The following LRCH1 variants were observed in gnomAD, a reference collection of about 807,000 sequenced individuals.
The protein encoded by LRCH1 is leucine-rich repeat and calponin homology domain-containing protein 1.
In LRCH1, 23 loss-of-function variants were observed where a neutral mutation model predicts 94.9. The ratio of observed to expected loss-of-function variants is 0.24; its 90% CI spans 0.17 to 0.34. LRCH1 has a LOEUF of 0.34. LRCH1 is among the 10% of genes least tolerant of loss of function. The pLI is 1.00. For missense variants in LRCH1, 790 were observed against 945.9 expected (o/e 0.84, Z 2.16); for synonymous variants, 364 against 354.9 (o/e 1.03, Z -0.29).
At chr13:46,729,984 CT>C (rs1237547840) in intron 18 of LRCH1, among the ~76,000 whole-genome samples, 1 of 152,170 alleles carries the variant, frequency 6.6e-6, no homozygotes, top group African/African-American at 2.4e-5. Flanking sequence ...TCAGGGCTCT[CT>C]TCCTAGGTAT....
chr13:46,675,296 A>G (rs1314033717), intron 3 of LRCH1, among the ~76,000 whole-genome samples: 2 of 152,360 alleles, frequency 1.3e-5, no homozygotes, highest in African/African-American at 4.8e-5. Flanking sequence ...CATTTGCCAA[A>G]GAAGAGTTTT....
chr13:46,741,611 C>G (rs1441112893), intron 19 of LRCH1, 31 bp from the exon 20 acceptor site: 1 of 1,613,868 alleles, frequency 6.2e-7, no homozygotes, highest in Non-Finnish European at 8.5e-7. Context: ...TGCACTGTCT[C>G]TTTCTGTTCT....
At chr13:46,646,375 A>G (rs1474045966) in intron 1 of LRCH1, among the ~76,000 whole-genome samples, 3 of 152,222 alleles carry the variant, frequency 2.0e-5, no homozygotes, top group Non-Finnish European at 4.4e-5. Flanking sequence ...AAGGCACAGA[A>G]GTATCTACAG....
intron 3 of LRCH1, among the ~76,000 whole-genome samples, chr13:46,676,218 G>A (rs1008828965): frequency 9.2e-5 from 14 of 151,778 alleles, no homozygotes; most frequent in South Asian, 2.1e-4. Flanking sequence ...CCGAGATTGC[G>A]CCACCGCACT....
At chr13:46,575,064 AC>A (rs2050288313) in intron 1 of LRCH1, among the ~76,000 whole-genome samples, 1 of 152,090 alleles carries the variant, frequency 6.6e-6, no homozygotes, top group Non-Finnish European at 1.5e-5. Context: ...AAAAGTTCCA[AC>A]CAAAATATAC....
At chr13:46,710,541 GCGAGA>G (rs1195212856) in intron 13 of LRCH1, among the ~76,000 whole-genome samples, 5 of 152,218 alleles carry the variant, frequency 3.3e-5, no homozygotes, top group Non-Finnish European at 7.3e-5. Context: ...GGAAGGGTCT[GCGAGA>G]CGATAGGACA....
At chr13:46,737,888 A>C (rs1873463001) in intron 19 of LRCH1, among the ~76,000 whole-genome samples, 1 of 152,190 alleles carries the variant, frequency 6.6e-6, no homozygotes, top group African/African-American at 2.4e-5. Context: ...GTATTCTCTC[A>C]GGTTGAGAGA....
intron 19 of LRCH1, among the ~76,000 whole-genome samples, chr13:46,736,468 T>C (rs192052743): frequency 6.6e-6 from 1 of 152,238 alleles, no homozygotes; most frequent in Non-Finnish European, 1.5e-5. Flanking sequence ...CTTCCCTACC[T>C]AGGAGGGTTG....
chr13:46,746,044 G>A (rs369624012), downstream of LRCH1, among the ~76,000 whole-genome samples: 125 of 152,250 alleles, frequency 8.2e-4, 3 homozygotes, highest in South Asian at 0.022. Context: ...TATCATGACC[G>A]CAGACCTAAC....
At chr13:46,650,385 G>T (rs1228211337) in intron 2 of LRCH1, 40 bp downstream of exon 2, 3 of 1,514,442 alleles carry the variant, frequency 2.0e-6, no homozygotes, top group Non-Finnish European at 2.7e-6. Flanking sequence ...TTCAGTGAAA[G>T]AAATAAAAAA....
chr13:46,705,458 A>T (rs1011036287), intron 13 of LRCH1, 154 bp downstream of exon 13: 14 of 788,702 alleles, frequency 1.8e-5, no homozygotes, highest in Admixed American at 1.6e-4. Context: ...CAACTTGTTT[A>T]TACGTTTGCC....
chr13:46,632,221 A>G (rs2051026760), intron 1 of LRCH1, among the ~76,000 whole-genome samples: 1 of 152,022 alleles, frequency 6.6e-6, no homozygotes, highest in South Asian at 2.1e-4. Flanking sequence ...AAACAAACCT[A>G]AATTCATAGG....
At chr13:46,660,075 G>A (rs969554085) in intron 2 of LRCH1, among the ~76,000 whole-genome samples, 1 of 130,472 alleles carries the variant, frequency 7.7e-6, no homozygotes, top group Non-Finnish European at 1.6e-5. Flanking sequence ...GCAGTGGCGC[G>A]ATCTCTGCTC....
chr13:46,726,263 G>A (rs1277344642), intron 17 of LRCH1, among the ~76,000 whole-genome samples: 1 of 152,144 alleles, frequency 6.6e-6, no homozygotes. Context: ...ACAAATGTAA[G>A]AACATTCTGG....
chr13:46,586,468 T>A (rs775074433), intron 1 of LRCH1, among the ~76,000 whole-genome samples: 2 of 152,176 alleles, frequency 1.3e-5, no homozygotes, highest in Non-Finnish European at 2.9e-5. Context: ...CAGGCTGGAG[T>A]GCAGAGGTGC....
chr13:46,668,222 C>T (rs1593338438), intron 2 of LRCH1, among the ~76,000 whole-genome samples: 1 of 151,910 alleles, frequency 6.6e-6, no homozygotes, highest in Non-Finnish European at 1.5e-5. Context: ...TTTTATTTAT[C>T]TAGTATTTTC....
intron 8 of LRCH1, among the ~76,000 whole-genome samples, chr13:46,693,852 A>C (rs995663870): frequency 1.3e-5 from 2 of 152,330 alleles, no homozygotes; most frequent in Middle Eastern, 3.4e-3. Context: ...CAGTGTATAA[A>C]TAGTGCAGAA....
At chr13:46,558,762 A>G (rs2050097893) in intron 1 of LRCH1, among the ~76,000 whole-genome samples, 1 of 152,002 alleles carries the variant, frequency 6.6e-6, no homozygotes, top group Non-Finnish European at 1.5e-5. Context: ...TGAACCTGAC[A>G]GTCTAAGATT....
Position 46,742,680 on chromosome 13 carries a change from A to G in LRCH1, c.*832A>G. ...GAGATTTCTATTTTTGAACAATGGA[A>G]CGGATCACTGCTTTTTTGCCACATC... On this transcript the variant is annotated 3_prime_UTR_variant, in exon 20 of 20. Transcript: ENST00000389797. The G allele has an allele frequency of 1.0e-6, 1 of 985,464 alleles. No homozygotes were observed. The allele number at this position is 985,464 out of a possible 1,614,324, so 61.0% of individuals were successfully genotyped here.
Sources: allele counts gnomAD v4.1 joint callset (sites outside exome capture counted in the v4.1 genomes callset), GRCh38; gene constraint gnomAD v4.1.1; transcripts MANE v1.5; gene names NCBI Gene and HGNC (gene_info 2026-07-23, HGNC 2026-07-21).